The following AP3B1 variants were observed in gnomAD, a reference collection of about 807,000 sequenced individuals.
The protein encoded by AP3B1 is adaptor related protein complex 3 subunit beta 1.
AP3B1 carries 61 observed loss-of-function variants against 132.5 expected under a neutral mutation model. The observed-to-expected ratio is 0.46, with a 90% CI of 0.37 to 0.57. The LOEUF is 0.57. AP3B1 is among the 20% of genes least tolerant of loss of function. AP3B1 has a pLI of 0.00. For missense variants in AP3B1, 1,120 were observed against 1,289.4 expected (o/e 0.87, Z 2.01); for synonymous variants, 388 against 438.3 (o/e 0.89, Z 1.43).
At chr5:78,176,668 A>G (rs1436314107) in intron 9 of AP3B1, among the ~76,000 whole-genome samples, 1 of 152,220 alleles carries the variant, frequency 6.6e-6, no homozygotes. Flanking sequence ...ACCTGAAATC[A>G]TGATTCTCAT....
intron 7 of AP3B1, among the ~76,000 whole-genome samples, chr5:78,184,045 G>A (rs1443633083): frequency 1.3e-4 from 19 of 151,600 alleles, no homozygotes; most frequent in Middle Eastern, 3.4e-3. Flanking sequence ...GTGGACGCCT[G>A]TAATCCCAGC....
chr5:78,119,887 G>C (rs1284357563), intron 17 of AP3B1, among the ~76,000 whole-genome samples: 1 of 152,114 alleles, frequency 6.6e-6, no homozygotes, highest in African/African-American at 2.4e-5. Context: ...ACACATAATT[G>C]TCAGATTCAC....
chr5:78,193,770 A>ATATATATATATTTTTTTT, intron 7 of AP3B1, among the ~76,000 whole-genome samples: 22 of 67,188 alleles, frequency 3.3e-4, no homozygotes, highest in Admixed American at 8.8e-4. Context: ...ATATATATAT[A>ATATATATATATTTTTTTT]TTTTTTTTTT....
At chr5:78,186,963 A>T (rs1007987509) in intron 7 of AP3B1, among the ~76,000 whole-genome samples, 8 of 152,164 alleles carry the variant, frequency 5.3e-5, no homozygotes, top group African/African-American at 1.9e-4. Flanking sequence ...AAAATCTTAT[A>T]AAATTATTCA....
chr5:78,055,066 T>C (rs1001745758), intron 22 of AP3B1, among the ~76,000 whole-genome samples: 3 of 150,964 alleles, frequency 2.0e-5, no homozygotes, highest in Non-Finnish European at 3.0e-5. Flanking sequence ...CACTTACTTA[T>C]ATAAACATTA....
chr5:78,279,129 G>GT (rs929124950), intron 1 of AP3B1, among the ~76,000 whole-genome samples: 1 of 152,066 alleles, frequency 6.6e-6, no homozygotes, highest in African/African-American at 2.4e-5. Flanking sequence ...ATATATGATC[G>GT]TTTAATTTTT....
intron 17 of AP3B1, among the ~76,000 whole-genome samples, chr5:78,117,172 C>CA (rs1751883147): frequency 1.6e-5 from 2 of 122,212 alleles, no homozygotes; most frequent in African/African-American, 3.2e-5. Context: ...TCCCCACCAC[C>CA]TTTTTTTTTT....
intron 6 of AP3B1, among the ~76,000 whole-genome samples, chr5:78,219,560 T>C (rs1746096026): frequency 6.6e-6 from 1 of 152,030 alleles, no homozygotes; most frequent in Non-Finnish European, 1.5e-5. Flanking sequence ...ATGCCCCCTT[T>C]TAAGTTCACT....
intron 1 of AP3B1, among the ~76,000 whole-genome samples, chr5:78,283,667 C>T (rs560487150): frequency 5.9e-5 from 9 of 152,188 alleles, no homozygotes; most frequent in African/African-American, 2.2e-4. Flanking sequence ...TCAACGAATG[C>T]CTAACTATCA....
chr5:78,275,016 A>G (rs1056037450), intron 1 of AP3B1, among the ~76,000 whole-genome samples: 5 of 152,178 alleles, frequency 3.3e-5, no homozygotes, highest in African/African-American at 1.2e-4. Context: ...CAGCCATACC[A>G]TCTCTGATGT....
intron 13 of AP3B1, among the ~76,000 whole-genome samples, chr5:78,158,836 A>G (rs1030474311): frequency 1.7e-4 from 26 of 152,036 alleles, no homozygotes; most frequent in African/African-American, 6.3e-4. Context: ...AGCTGGGATT[A>G]CAGGTGCCCG....
chr5:78,117,172 CTTTTTTT>C (rs70997968), intron 17 of AP3B1, among the ~76,000 whole-genome samples: 1 of 122,244 alleles, frequency 8.2e-6, no homozygotes, highest in African/African-American at 3.2e-5. Context: ...TCCCCACCAC[CTTTTTTT>C]TTTTTTTTTT....
At chr5:78,045,047 G>A (rs889592156) in intron 22 of AP3B1, among the ~76,000 whole-genome samples, 4 of 152,112 alleles carry the variant, frequency 2.6e-5, no homozygotes, top group African/African-American at 7.2e-5. Flanking sequence ...ATGACACTTC[G>A]TGGTAATAAT....
Position 78,181,644 on chromosome 5 carries a change from T to G in AP3B1, c.805A>C (p.Asn269His), listed in dbSNP as rs1330451650. The change falls in exon 8 of 27, where the codon AAT becomes CAT. Residue 269 changes from asparagine to histidine, a missense_variant. Physicochemically the swap from Asn to His is moderately conservative, Grantham distance 68. Transcript: ENST00000255194. ...TCAGATTCGTAGAAATTCTTTCCAT[T>G]GTCTTCTAATTCATCACCCTACAAT... is the stretch of plus-strand genomic sequence containing the variant. ...PWKEGDELEDNGKNFYESDDD... is the reference protein window; with the variant it reads ...PWKEGDELEDHGKNFYESDDD... 1 of 1,612,152 alleles carries G rather than the reference T, an allele frequency of 6.2e-7. No homozygotes were observed.
chr5:78,180,818 T>G (rs1019536680), intron 8 of AP3B1, among the ~76,000 whole-genome samples: 2 of 152,012 alleles, frequency 1.3e-5, no homozygotes, highest in Non-Finnish European at 2.9e-5. Context: ...TTTCTGAGTG[T>G]TGAGAATGTG....
At chr5:78,169,501 T>C (rs947954654) in intron 11 of AP3B1, among the ~76,000 whole-genome samples, 9 of 152,118 alleles carry the variant, frequency 5.9e-5, no homozygotes, top group African/African-American at 1.9e-4. Context: ...GATCAATGGC[T>C]CACTGCAGCC....
At chr5:78,221,393 A>G (rs1746171987) in intron 6 of AP3B1, among the ~76,000 whole-genome samples, 1 of 152,336 alleles carries the variant, frequency 6.6e-6, no homozygotes, top group South Asian at 2.1e-4. Context: ...ACGACACTTC[A>G]AAATGAATTA....
intron 22 of AP3B1, chr5:78,042,768 C>CACAT (rs1246350330): frequency 6.3e-6 from 1 of 157,796 alleles, no homozygotes; most frequent in African/African-American, 2.4e-5. Context: ...CCATGATGAA[C>CACAT]ACATGATGGA....
chr5:78,084,439 G>C (rs141126441), intron 22 of AP3B1, among the ~76,000 whole-genome samples: 307 of 147,004 alleles, frequency 2.1e-3, no homozygotes, highest in African/African-American at 7.1e-3. Context: ...TAGAAGGATG[G>C]CTTGAACCCA....
Sources: gnomAD v4.1 joint callset for allele counts (sites outside exome capture counted in the v4.1 genomes callset) on GRCh38, gnomAD v4.1.1 for gene constraint, MANE v1.5 for transcripts, NCBI Gene and HGNC (gene_info 2026-07-23, HGNC 2026-07-21) for gene names.